The following EHBP1 variants were observed in gnomAD, a reference collection of about 807,000 sequenced individuals.
The protein encoded by EHBP1 is EH domain-binding protein 1.
EHBP1 carries 55 observed loss-of-function variants against 144.0 expected under a neutral mutation model. The observed-to-expected ratio is 0.38, with a 90% CI of 0.31 to 0.48. The LOEUF is 0.48. EHBP1 is among the 20% of genes least tolerant of loss of function. EHBP1 has a pLI of 0.98. For synonymous variants in EHBP1, 469 were observed against 472.7 expected (o/e 0.99, Z 0.10); for missense variants, 1,200 against 1,364.2 (o/e 0.88, Z 1.90).
intron 5 of EHBP1, among the ~76,000 whole-genome samples, chr2:62,782,633 G>C (rs1050643099): frequency 3.3e-5 from 5 of 152,148 alleles, no homozygotes; most frequent in African/African-American, 9.7e-5. Flanking sequence ...CCAAGCAAAG[G>C]GGGTAAGCCC....
intron 5 of EHBP1, among the ~76,000 whole-genome samples, chr2:62,800,115 C>G (rs2043868682): frequency 6.6e-6 from 1 of 152,160 alleles, no homozygotes; most frequent in South Asian, 2.1e-4. Context: ...TCGTCTCCAC[C>G]TCTCTGCATA....
At chr2:62,954,435 T>C (rs761127425) in intron 13 of EHBP1, among the ~76,000 whole-genome samples, 4 of 152,236 alleles carry the variant, frequency 2.6e-5, no homozygotes, top group Non-Finnish European at 4.4e-5. Flanking sequence ...AATTTTTGTT[T>C]AATCCTCTTA....
At chr2:62,755,917 A>G (rs2040235151) in intron 3 of EHBP1, among the ~76,000 whole-genome samples, 1 of 152,178 alleles carries the variant, frequency 6.6e-6, no homozygotes, top group Non-Finnish European at 1.5e-5. Flanking sequence ...AAAAAATTAG[A>G]TAGCAATTAT....
At chr2:62,800,506 T>A (rs1317221407) in intron 5 of EHBP1, among the ~76,000 whole-genome samples, 5 of 152,204 alleles carry the variant, frequency 3.3e-5, no homozygotes, top group Non-Finnish European at 5.9e-5. Flanking sequence ...GACCATTGGA[T>A]TGTGTTTTAT....
At chr2:62,862,655 A>C (rs1333418737) in intron 8 of EHBP1, among the ~76,000 whole-genome samples, 1 of 152,182 alleles carries the variant, frequency 6.6e-6, no homozygotes, top group Non-Finnish European at 1.5e-5. Flanking sequence ...TCAGTCATAA[A>C]ATTTTTGTAA....
intron 10 of EHBP1, among the ~76,000 whole-genome samples, chr2:62,909,581 G>C (rs1038018290): frequency 6.6e-6 from 1 of 152,194 alleles, no homozygotes. Flanking sequence ...TGCCTCTGTG[G>C]GTTCTAAAAG....
intron 3 of EHBP1, among the ~76,000 whole-genome samples, chr2:62,750,166 T>A (rs1463001018): frequency 6.6e-6 from 1 of 152,168 alleles, no homozygotes; most frequent in African/African-American, 2.4e-5. Context: ...TTATATAAGG[T>A]GTAAGGAAGG....
chr2:62,788,308 A>G (rs1389091732), intron 5 of EHBP1, among the ~76,000 whole-genome samples: 4 of 152,108 alleles, frequency 2.6e-5, no homozygotes, highest in Non-Finnish European at 4.4e-5. Flanking sequence ...TCTGCCCACT[A>G]GGGAGTGGAG....
At chr2:62,890,957 A>G (rs1431821412) in intron 10 of EHBP1, among the ~76,000 whole-genome samples, 3 of 152,154 alleles carry the variant, frequency 2.0e-5, no homozygotes, top group Admixed American at 2.0e-4. Flanking sequence ...AGGCAGGTAG[A>G]TCACAAGATC....
chr2:62,707,168 G>T lies in EHBP1; in HGVS notation c.-24G>T, dbSNP rs1171193405. ...GCTGCTGTATTGCTAACCCAGAACT[G>T]CTCCAGTGTCTTGACTGATCATCAT... On this transcript the variant is annotated 5_prime_UTR_variant, in exon 2 of 23. Coordinates refer to ENST00000431489, the MANE Select transcript of EHBP1 (RefSeq NM_001142616.3). 2.0e-5 allele frequency: 32 copies of T among 1,596,106 alleles called. 1 individual carries two copies. Among genetic ancestry groups the T allele is most frequent in the Non-Finnish European group, 2.8e-5 (32 of 1,163,580 alleles).
chr2:62,880,820 T>C (rs998937797), intron 10 of EHBP1, among the ~76,000 whole-genome samples: 1 of 152,088 alleles, frequency 6.6e-6, no homozygotes, highest in Non-Finnish European at 1.5e-5. Context: ...GTAAAATAGT[T>C]CAGCCACTAT....
At chr2:62,972,764 T>C (rs1452785065) in intron 14 of EHBP1, among the ~76,000 whole-genome samples, 2 of 152,204 alleles carry the variant, frequency 1.3e-5, no homozygotes, top group East Asian at 3.9e-4. Flanking sequence ...ACTAGAATTC[T>C]GTCAATCAGG....
chr2:62,796,860 CAG>C (rs2043571448), intron 5 of EHBP1, among the ~76,000 whole-genome samples: 1 of 148,810 alleles, frequency 6.7e-6, no homozygotes, highest in Non-Finnish European at 1.5e-5. Flanking sequence ...TAAGACCAAA[CAG>C]AGGCAGATCT....
intron 10 of EHBP1, among the ~76,000 whole-genome samples, chr2:62,887,475 T>C (rs2052028735): frequency 1.3e-5 from 2 of 151,904 alleles, no homozygotes; most frequent in African/African-American, 4.8e-5. Flanking sequence ...CGGTGGCTCA[T>C]TCCTGTGATC....
At chr2:62,708,373 A>G (rs2034801966) in intron 2 of EHBP1, among the ~76,000 whole-genome samples, 1 of 152,204 alleles carries the variant, frequency 6.6e-6, no homozygotes. Context: ...GTCCTCAAGG[A>G]GTGTGCAGTC....
intron 10 of EHBP1, among the ~76,000 whole-genome samples, chr2:62,918,030 G>A (rs1319011436): frequency 1.3e-5 from 2 of 151,954 alleles, no homozygotes; most frequent in East Asian, 3.8e-4. Flanking sequence ...CTGAGTAGCT[G>A]GAATTACAGG....
At chr2:63,024,921 A>G (rs980905300) in intron 19 of EHBP1, among the ~76,000 whole-genome samples, 2 of 152,054 alleles carry the variant, frequency 1.3e-5, no homozygotes, top group African/African-American at 4.8e-5. Context: ...GCTTGACCCC[A>G]GGAGTTCAAG....
intron 4 of EHBP1, among the ~76,000 whole-genome samples, chr2:62,766,615 A>G (rs893751070): frequency 2.6e-5 from 4 of 152,110 alleles, no homozygotes; most frequent in Non-Finnish European, 5.9e-5. Context: ...TGGGCATGTA[A>G]TGTGACCCCA....
chr2:62,876,028 G>A (rs1444960618), intron 10 of EHBP1, among the ~76,000 whole-genome samples: 1 of 152,122 alleles, frequency 6.6e-6, no homozygotes, highest in Non-Finnish European at 1.5e-5. Flanking sequence ...TGAAACAGAG[G>A]GAGAGAGAGC....
Sources: gnomAD v4.1 joint callset for allele counts (sites outside exome capture counted in the v4.1 genomes callset) on GRCh38, gnomAD v4.1.1 for gene constraint, MANE v1.5 for transcripts, NCBI Gene and HGNC (gene_info 2026-07-23, HGNC 2026-07-21) for gene names.